The following CACNA2D3 variants were observed in gnomAD, a reference collection of about 807,000 sequenced individuals.
The protein encoded by CACNA2D3 is calcium voltage-gated channel auxiliary subunit alpha2delta 3.
CACNA2D3 carries 60 observed loss-of-function variants against 160.6 expected under a neutral mutation model. The observed-to-expected ratio is 0.37, with a 90% CI of 0.30 to 0.46. The LOEUF is 0.46. Ranked by LOEUF, CACNA2D3 falls within the 20% of genes least tolerant of loss-of-function variation. CACNA2D3 has a pLI of 1.00. For missense variants in CACNA2D3, 1,205 were observed against 1,365.0 expected (o/e 0.88, Z 1.85); for synonymous variants, 558 against 492.9 (o/e 1.13, Z -1.75).
intron 11 of CACNA2D3, among the ~76,000 whole-genome samples, chr3:54,742,586 T>G (rs1343067017): frequency 1.3e-5 from 2 of 152,164 alleles, no homozygotes; most frequent in Non-Finnish European, 2.9e-5. Flanking sequence ...CTGGCTTCCA[T>G]GAAATGATGC....
intron 17 of CACNA2D3, among the ~76,000 whole-genome samples, chr3:54,850,329 C>G (rs550268277): frequency 6.6e-6 from 1 of 152,106 alleles, no homozygotes; most frequent in South Asian, 2.1e-4. Context: ...AACAACAGCA[C>G]GTAGCAAGAG....
At chr3:54,486,780 G>A (rs1701021838) in intron 4 of CACNA2D3, among the ~76,000 whole-genome samples, 1 of 152,066 alleles carries the variant, frequency 6.6e-6, no homozygotes, top group African/African-American at 2.4e-5. Context: ...CCTGGGTCAT[G>A]TGCTCTTGAG....
At chr3:54,436,094 G>T (rs1044635331) in intron 4 of CACNA2D3, among the ~76,000 whole-genome samples, 3 of 151,978 alleles carry the variant, frequency 2.0e-5, no homozygotes, top group Admixed American at 6.6e-5. Context: ...AATAACAAAA[G>T]AACTAGATTC....
rs1921543 is a variant in CACNA2D3, at chr3:54,810,956, C to G, written c.1381-5897C>G. On this transcript the variant is annotated intron_variant, in intron 13 of 37. Transcript: ENST00000474759. ...TCCTCACATCTCCTTTGTGCCTCAC[C>G]TATTGTTCCTCACAGGTTGCCTGCG... 7.8e-3 allele frequency among the ~76,000 whole-genome samples: 1,191 copies of G among 152,290 alleles called. 22 individuals carry two copies. The highest frequency in any genetic ancestry group is 0.026 in the African/African-American group (1,074 of 41,560).
chr3:54,739,927 C>T (rs1190223954), intron 11 of CACNA2D3, among the ~76,000 whole-genome samples: 1 of 152,066 alleles, frequency 6.6e-6, no homozygotes, highest in Non-Finnish European at 1.5e-5. Flanking sequence ...CAAGAGCTTA[C>T]AACTTCCGCA....
intron 9 of CACNA2D3, among the ~76,000 whole-genome samples, chr3:54,610,883 C>T (rs1389247857): frequency 1.3e-5 from 2 of 152,218 alleles, no homozygotes; most frequent in Non-Finnish European, 2.9e-5. Context: ...CCCGCCTTGG[C>T]CTCCCAAAAT....
At chr3:54,302,465 G>A (rs1006002902) in intron 2 of CACNA2D3, among the ~76,000 whole-genome samples, 1 of 152,122 alleles carries the variant, frequency 6.6e-6, no homozygotes, top group African/African-American at 2.4e-5. Flanking sequence ...GAAAAATTCG[G>A]CAAGGTCCCA....
chr3:54,735,190 G>C (rs1325330266), intron 11 of CACNA2D3, among the ~76,000 whole-genome samples: 1 of 152,228 alleles, frequency 6.6e-6, no homozygotes, highest in African/African-American at 2.4e-5. Context: ...GTCTTCTGTA[G>C]TCACAGAATT....
intron 33 of CACNA2D3, among the ~76,000 whole-genome samples, chr3:55,008,924 C>CACACACACACACAG (rs1559462312): frequency 2.7e-5 from 4 of 148,608 alleles, no homozygotes; most frequent in African/African-American, 1.0e-4. Flanking sequence ...CACACACACA[C>CACACACACACACAG]AGGGGGCTTA....
At chr3:54,156,853 C>T (rs1446141861) in intron 2 of CACNA2D3, among the ~76,000 whole-genome samples, 3 of 152,228 alleles carry the variant, frequency 2.0e-5, no homozygotes, top group Non-Finnish European at 4.4e-5. Flanking sequence ...GAGAACTGCT[C>T]AGCTGAGCCC....
chr3:54,478,815 G>A (rs2106894593), intron 4 of CACNA2D3, among the ~76,000 whole-genome samples: 1 of 150,156 alleles, frequency 6.7e-6, no homozygotes, highest in Non-Finnish European at 1.5e-5. Context: ...GTTGTGGTAT[G>A]GCAGTGCTTA....
At chr3:54,570,945 C>G (rs545456750) in intron 8 of CACNA2D3, among the ~76,000 whole-genome samples, 1 of 152,232 alleles carries the variant, frequency 6.6e-6, no homozygotes, top group East Asian at 1.9e-4. Flanking sequence ...TCAGGAGGTC[C>G]TAAGAACATG....
At chr3:54,495,153 C>T (rs74638530) in intron 4 of CACNA2D3, among the ~76,000 whole-genome samples, 13 of 152,062 alleles carry the variant, frequency 8.5e-5, no homozygotes, top group East Asian at 1.9e-4. Context: ...AAGGTATTTC[C>T]GCACAGTGAG....
chr3:54,589,468 A>G (rs955856330), intron 9 of CACNA2D3, among the ~76,000 whole-genome samples: 4 of 152,172 alleles, frequency 2.6e-5, no homozygotes, highest in African/African-American at 7.2e-5. Flanking sequence ...AATCTTCAAG[A>G]TGTAGGGCTA....
At chr3:54,801,035 G>A (rs1215447239) in intron 13 of CACNA2D3, among the ~76,000 whole-genome samples, 1 of 150,320 alleles carries the variant, frequency 6.7e-6, no homozygotes, top group Non-Finnish European at 1.5e-5. Flanking sequence ...CACCCAGGCT[G>A]GAGTGCAGTG....
intron 3 of CACNA2D3, among the ~76,000 whole-genome samples, chr3:54,327,497 A>G (rs937909545): frequency 6.6e-6 from 1 of 152,110 alleles, no homozygotes; most frequent in African/African-American, 2.4e-5. Context: ...CCTCAACTTC[A>G]TGGTTATTTA....
At chr3:55,031,378 G>C (rs1703686414) in intron 35 of CACNA2D3, among the ~76,000 whole-genome samples, 1 of 152,122 alleles carries the variant, frequency 6.6e-6, no homozygotes, top group East Asian at 1.9e-4. Flanking sequence ...AGCTTGGAAA[G>C]AGTTTATATA....
intron 9 of CACNA2D3, among the ~76,000 whole-genome samples, chr3:54,626,927 C>T (rs1370662243): frequency 6.6e-6 from 1 of 152,088 alleles, no homozygotes; most frequent in Non-Finnish European, 1.5e-5. Flanking sequence ...TTCTTTAGTC[C>T]CCTTTAATCT....
At chr3:54,813,651 G>T (rs1424897238) in intron 13 of CACNA2D3, among the ~76,000 whole-genome samples, 1 of 152,022 alleles carries the variant, frequency 6.6e-6, no homozygotes, top group Non-Finnish European at 1.5e-5. Context: ...AACAAGGGAA[G>T]TACCAGTCAC....
Sources: gnomAD v4.1 joint callset for allele counts (sites outside exome capture counted in the v4.1 genomes callset) on GRCh38, gnomAD v4.1.1 for gene constraint, MANE v1.5 for transcripts, NCBI Gene and HGNC (gene_info 2026-07-23, HGNC 2026-07-21) for gene names.